The following SAMD12 variants were observed in gnomAD, a reference collection of about 807,000 sequenced individuals.
SAMD12 encodes sterile alpha motif domain-containing protein 12.
Under a neutral mutation model 15.0 loss-of-function variants are expected in SAMD12, and 9 were observed. The observed-to-expected ratio is 0.60, with a 90% CI of 0.36 to 1.05. The LOEUF is 1.05. SAMD12 is among the 50% of genes least tolerant of loss of function. The pLI, the probability that SAMD12 is intolerant of heterozygous loss-of-function variation, is 0.01. For missense variants in SAMD12, 230 were observed against 234.2 expected, an observed-to-expected ratio of 0.98 and a Z score of 0.12; for synonymous variants, 86 against 90.1, an observed-to-expected ratio of 0.96 and a Z score of 0.25.
intron 4 of SAMD12, among the ~76,000 whole-genome samples, chr8:118,235,219 T>C (rs1175218586): frequency 1.5e-5 from 2 of 134,554 alleles, no homozygotes; most frequent in Non-Finnish European, 3.0e-5. Context: ...TTATAAGTCT[T>C]TTTTTTTTTT....
intron 4 of SAMD12, among the ~76,000 whole-genome samples, chr8:118,326,298 A>C (rs1328155632): frequency 6.6e-6 from 1 of 152,172 alleles, no homozygotes; most frequent in Non-Finnish European, 1.5e-5. Context: ...ATTGACATAA[A>C]ATTACCATGA....
chr8:118,568,272 G>T (rs1239720692), intron 2 of SAMD12, among the ~76,000 whole-genome samples: 1 of 152,180 alleles, frequency 6.6e-6, no homozygotes, highest in East Asian at 1.9e-4. Context: ...CAAGGCAGAG[G>T]TAACAGCCAG....
chr8:118,438,399 G>A (rs1319943791), intron 3 of SAMD12, among the ~76,000 whole-genome samples: 1 of 133,192 alleles, frequency 7.5e-6, no homozygotes, highest in South Asian at 2.5e-4. Flanking sequence ...AAAACATTTA[G>A]TGCTTAAATG....
intron 4 of SAMD12, among the ~76,000 whole-genome samples, chr8:118,253,247 T>A (rs1283015572): frequency 6.6e-6 from 1 of 152,200 alleles, no homozygotes; most frequent in Non-Finnish European, 1.5e-5. Flanking sequence ...AAAGGCAGTG[T>A]ACTATTAGCT....
chr8:118,361,453 C>A (rs1479591177), intron 4 of SAMD12, among the ~76,000 whole-genome samples: 3 of 152,020 alleles, frequency 2.0e-5, no homozygotes, highest in East Asian at 1.9e-4. Flanking sequence ...TTTTTAAGTA[C>A]CTATTACAAT....
chr8:118,215,423 A>T (rs1811936195), intron 4 of SAMD12, among the ~76,000 whole-genome samples: 1 of 152,010 alleles, frequency 6.6e-6, no homozygotes, highest in Non-Finnish European at 1.5e-5. Context: ...AAGCTTTGAG[A>T]ATTTTATTAT....
the SAMD12 span, among the ~76,000 whole-genome samples, chr8:118,142,224 C>T: frequency 1.3e-5 from 2 of 152,172 alleles, no homozygotes; most frequent in African/African-American, 4.8e-5. Context: ...CAGACTCTCA[C>T]TATTCAACAA....
chr8:118,196,590 G>A (rs1461148055), exon 5 of SAMD12: 2 of 152,170 alleles, frequency 1.3e-5, no homozygotes, highest in Non-Finnish European at 2.9e-5. Context: ...ACCTAGTATA[G>A]GACTTGACCC....
At chr8:118,427,319 A>G (rs939046914) in intron 3 of SAMD12, among the ~76,000 whole-genome samples, 5 of 152,356 alleles carry the variant, frequency 3.3e-5, no homozygotes, top group Middle Eastern at 3.4e-3. Flanking sequence ...GGAAAAGTAC[A>G]CAAGTTTTTA....
At chr8:118,503,037 C>G (rs1316790536) in intron 2 of SAMD12, among the ~76,000 whole-genome samples, 2 of 152,118 alleles carry the variant, frequency 1.3e-5, no homozygotes, top group African/African-American at 4.8e-5. Context: ...GTGTGTGAGG[C>G]AGAGATATTA....
chr8:118,508,272 C>A (rs776029890), intron 2 of SAMD12, among the ~76,000 whole-genome samples: 1 of 151,796 alleles, frequency 6.6e-6, no homozygotes, highest in African/African-American at 2.4e-5. Flanking sequence ...AGGAGATATA[C>A]CTAATGTAAA....
intron 4 of SAMD12, among the ~76,000 whole-genome samples, chr8:118,217,038 T>C (rs1381240330): frequency 2.0e-5 from 3 of 152,178 alleles, no homozygotes; most frequent in Non-Finnish European, 2.9e-5. Flanking sequence ...GGAGTCTCGC[T>C]CTGTCACCAG....
chr8:118,365,966 C>T (rs891875830), intron 4 of SAMD12, among the ~76,000 whole-genome samples: 4 of 152,120 alleles, frequency 2.6e-5, no homozygotes, highest in African/African-American at 4.8e-5. Flanking sequence ...CACCATGTTA[C>T]TATGATTGCT....
At chr8:118,361,722 C>G (rs935718429) in intron 4 of SAMD12, among the ~76,000 whole-genome samples, 7 of 152,048 alleles carry the variant, frequency 4.6e-5, no homozygotes, top group African/African-American at 1.7e-4. Context: ...TTTATATGCA[C>G]CTAGATAGCA....
intron 2 of SAMD12, among the ~76,000 whole-genome samples, chr8:118,562,497 C>T (rs912306799): frequency 2.6e-5 from 4 of 152,010 alleles, no homozygotes; most frequent in South Asian, 2.1e-4. Context: ...ATCTCATAGA[C>T]GAAGGAAGGG....
chr8:118,379,314 C>A lies in SAMD12; in HGVS notation c.*103G>T. 6.7e-7 allele frequency: 1 copy of A among 1,491,110 alleles called. No homozygotes were observed. Among genetic ancestry groups the A allele is most frequent in the East Asian group, 2.4e-5 (1 of 41,690 alleles). The allele number at this position is 1,491,110 out of a possible 1,614,324, so 92.4% of individuals were successfully genotyped here. A position where few individuals can be genotyped will look rare whatever the true frequency, so the allele number is the denominator to read the frequency against. ...CACAATCCATACAACTGTACGTGAC[C>A]ACCTTGAAGTTAGCTCAGGTAATTC... is the stretch of plus-strand genomic sequence containing the variant. On this transcript the variant is annotated 3_prime_UTR_variant, in exon 4 of 4. Coordinates refer to ENST00000314727, the MANE Select transcript of SAMD12 (RefSeq NM_207506.3).
intron 2 of SAMD12, among the ~76,000 whole-genome samples, chr8:118,507,141 C>T (rs1824942678): frequency 6.6e-6 from 1 of 152,078 alleles, no homozygotes; most frequent in South Asian, 2.1e-4. Context: ...AACGCAGTCA[C>T]ACTGAGCACC....
At chr8:118,531,727 TTGTC>T (rs1825690273) in intron 2 of SAMD12, among the ~76,000 whole-genome samples, 1 of 151,204 alleles carries the variant, frequency 6.6e-6, no homozygotes, top group Admixed American at 6.6e-5. Context: ...GGCTCTCTGT[TTGTC>T]TGTTATTGGT....
At chr8:118,618,044 A>ATTT (rs1563614463) in intron 1 of SAMD12, among the ~76,000 whole-genome samples, 1 of 136,702 alleles carries the variant, frequency 7.3e-6, no homozygotes, top group Non-Finnish European at 1.5e-5. Flanking sequence ...TTTTTTTTTA[A>ATTT]AAAAAGGCAA....
Sources: gnomAD v4.1 joint callset for allele counts (sites outside exome capture counted in the v4.1 genomes callset) on GRCh38, gnomAD v4.1.1 for gene constraint, MANE v1.5 for transcripts, NCBI Gene and HGNC (gene_info 2026-07-23, HGNC 2026-07-21) for gene names.